Variants in CTNNA2 observed in about 807,000 individuals in gnomAD.
The protein encoded by CTNNA2 is catenin alpha 2, also known as catenin alpha-2.
Under a neutral mutation model 101.0 loss-of-function variants are expected in CTNNA2, and 42 were observed. That is an observed-to-expected ratio of 0.42 (90% CI 0.32 to 0.54). CTNNA2 has a LOEUF of 0.54. Among genes scored for constraint, CTNNA2 ranks in the 20% least tolerant of loss-of-function variants. CTNNA2 has a pLI of 0.14. For synonymous variants in CTNNA2, 450 were observed against 456.4 expected (o/e 0.99, Z 0.18); for missense variants, 871 against 1,223.1 (o/e 0.71, Z 4.29).
intron 7 of CTNNA2, among the ~76,000 whole-genome samples, chr2:79,935,373 T>A (rs912017194): frequency 6.6e-6 from 1 of 152,082 alleles, no homozygotes; most frequent in Non-Finnish European, 1.5e-5. Flanking sequence ...TTTAACTTTT[T>A]ATTTGGAAAT....
intron 7 of CTNNA2, among the ~76,000 whole-genome samples, chr2:80,328,829 A>G (rs1036283734): frequency 6.6e-6 from 1 of 152,314 alleles, no homozygotes; most frequent in African/African-American, 2.4e-5. Flanking sequence ...TTATTTATAT[A>G]CATTTTTCAT....
chr2:80,018,475 A>G (rs1224480525), intron 7 of CTNNA2, among the ~76,000 whole-genome samples: 1 of 152,136 alleles, frequency 6.6e-6, no homozygotes, highest in Non-Finnish European at 1.5e-5. Context: ...AAGTCAGTAA[A>G]TATTATAAAT....
chr2:80,057,862 G>C (rs377055965), intron 7 of CTNNA2, among the ~76,000 whole-genome samples: 2 of 151,998 alleles, frequency 1.3e-5, no homozygotes, highest in East Asian at 3.9e-4. Context: ...GGAAACATAC[G>C]GTATGAGGAT....
At chr2:80,068,444 C>T (rs1698117889) in intron 7 of CTNNA2, among the ~76,000 whole-genome samples, 1 of 152,194 alleles carries the variant, frequency 6.6e-6, no homozygotes, top group Middle Eastern at 3.2e-3. Flanking sequence ...TTTCCTTCAT[C>T]TCTCTTTAAC....
chr2:79,846,081 A>G (rs906220054), intron 3 of CTNNA2, among the ~76,000 whole-genome samples: 1 of 152,210 alleles, frequency 6.6e-6, no homozygotes, highest in Non-Finnish European at 1.5e-5. Flanking sequence ...AGTGAGGAAA[A>G]TCAGTTTTCC....
At chr2:79,195,105 T>A (rs1673941422) in intron 1 of CTNNA2, among the ~76,000 whole-genome samples, 1 of 152,164 alleles carries the variant, frequency 6.6e-6, no homozygotes, top group Non-Finnish European at 1.5e-5. Flanking sequence ...CGAGGAATTT[T>A]TAATGCCACA....
chr2:79,796,865 C>T (rs11884204), intron 3 of CTNNA2, among the ~76,000 whole-genome samples: 9,073 of 152,178 alleles, frequency 0.06, 703 homozygotes, highest in African/African-American at 0.17. Flanking sequence ...GCCTGGAGTA[C>T]TGTGTTAGCC....
chr2:80,276,711 C>A (rs1339712817), intron 7 of CTNNA2, among the ~76,000 whole-genome samples: 1 of 151,872 alleles, frequency 6.6e-6, no homozygotes, highest in Non-Finnish European at 1.5e-5. Context: ...ATGTGCCAGA[C>A]TCTTTTTAAC....
chr2:80,521,412 A>T (rs1436479465), intron 9 of CTNNA2, among the ~76,000 whole-genome samples: 1 of 152,186 alleles, frequency 6.6e-6, no homozygotes, highest in Admixed American at 6.5e-5. Context: ...TCACATCCTA[A>T]TCCCTGGAAC....
intron 9 of CTNNA2, among the ~76,000 whole-genome samples, chr2:80,456,200 A>G (rs941513032): frequency 6.6e-6 from 1 of 152,196 alleles, no homozygotes; most frequent in East Asian, 1.9e-4. Flanking sequence ...TATTGGTGAC[A>G]TGGAGTACCC....
At chr2:80,559,789 A>G (rs570795701) in intron 12 of CTNNA2, among the ~76,000 whole-genome samples, 3 of 151,934 alleles carry the variant, frequency 2.0e-5, no homozygotes, top group Non-Finnish European at 4.4e-5. Context: ...TACACGCTTG[A>G]CCAGACCCAT....
At chr2:80,610,836 A>G (rs75341558) in intron 17 of CTNNA2, among the ~76,000 whole-genome samples, 1 of 151,570 alleles carries the variant, frequency 6.6e-6, no homozygotes, top group Non-Finnish European at 1.5e-5. Flanking sequence ...TTGGCTTGAG[A>G]GGTGGGGACA....
chr2:80,079,181 T>A (rs1428557785), intron 7 of CTNNA2, among the ~76,000 whole-genome samples: 1 of 152,208 alleles, frequency 6.6e-6, no homozygotes, highest in African/African-American at 2.4e-5. Flanking sequence ...ATTGTTCTCC[T>A]GTGCAAAGGA....
intron 13 of CTNNA2, chr2:80,576,501 C>A (rs1573332807): frequency 6.6e-6 from 1 of 151,548 alleles, no homozygotes; most frequent in Non-Finnish European, 1.5e-5. Flanking sequence ...AACATATAGT[C>A]ATTTTTCATT....
At chr2:79,290,020 T>C (rs188544976) in intron 2 of CTNNA2, among the ~76,000 whole-genome samples, 2 of 152,274 alleles carry the variant, frequency 1.3e-5, no homozygotes, top group East Asian at 3.9e-4. Context: ...TGAGATGCTA[T>C]GTGCAAGTGA....
chr2:79,210,187 TC>T (rs1674153961), intron 2 of CTNNA2, among the ~76,000 whole-genome samples: 1 of 151,888 alleles, frequency 6.6e-6, no homozygotes, highest in Non-Finnish European at 1.5e-5. Context: ...TGTTAACATC[TC>T]GCACAATGTT....
At chr2:80,250,198 AGAGAGAGT>A (rs1224896830) in intron 7 of CTNNA2, among the ~76,000 whole-genome samples, 14 of 142,856 alleles carry the variant, frequency 9.8e-5, no homozygotes, top group South Asian at 7.0e-4. Context: ...AGAGAGAGAG[AGAGAGAGT>A]GTGTGTGTGT....
At chr2:80,388,385 T>C (rs1279599847) in intron 7 of CTNNA2, among the ~76,000 whole-genome samples, 1 of 152,230 alleles carries the variant, frequency 6.6e-6, no homozygotes, top group Non-Finnish European at 1.5e-5. Context: ...TGTCTTTTTA[T>C]GCTCCCCAAA....
At chr2:80,315,548 C>T (rs547607806) in intron 7 of CTNNA2, among the ~76,000 whole-genome samples, 6 of 152,142 alleles carry the variant, frequency 3.9e-5, no homozygotes, top group Non-Finnish European at 7.3e-5. Context: ...GTCTCATCCT[C>T]CAGTAGGCTA....
Sources: allele counts gnomAD v4.1 joint callset (sites outside exome capture counted in the v4.1 genomes callset), GRCh38; gene constraint gnomAD v4.1.1; transcripts MANE v1.5; gene names NCBI Gene and HGNC (gene_info 2026-07-23, HGNC 2026-07-21).